Variants in HEPH observed in about 807,000 individuals in gnomAD.
The protein encoded by HEPH is hephaestin.
HEPH carries 69 observed loss-of-function variants against 80.8 expected under a neutral mutation model. That is an observed-to-expected ratio of 0.85 (90% CI 0.70 to 1.04). The LOEUF is 1.04. HEPH is among the 50% of genes least tolerant of loss of function. HEPH has a pLI of 0.00. For synonymous variants in HEPH, 431 were observed against 322.8 expected (o/e 1.34, Z -3.60); for missense variants, 1,115 against 891.3 (o/e 1.25, Z -3.20).
At chrX:66,229,502 T>C (rs1045521795) in intron 15 of HEPH, among the ~76,000 whole-genome samples, 6 of 111,713 alleles carry the variant, frequency 5.4e-5, no homozygotes, top group Admixed American at 9.5e-5. Context: ...GAATACAGTG[T>C]ACACTGCTCA....
chrX:66,231,989 GGTT>G (rs2090165282), intron 15 of HEPH, among the ~76,000 whole-genome samples: 2 of 110,031 alleles, frequency 1.8e-5, no homozygotes, highest in African/African-American at 6.7e-5. Context: ...TAGCATGAAG[GGTT>G]GTTGAATTTT....
intron 15 of HEPH, among the ~76,000 whole-genome samples, chrX:66,224,827 C>G (rs1178758081): frequency 9.2e-6 from 1 of 108,916 alleles, no homozygotes; most frequent in Non-Finnish European, 1.9e-5. Context: ...TTGTATCTCT[C>G]TCTCTCTCTC....
chrX:66,256,293 A>G lies in HEPH; in HGVS notation c.2859A>G (p.Leu953=). Residue 953 remains leucine (L), a synonymous_variant, in exon 17 of 21, where the codon CTA becomes CTG. Transcript: ENST00000343002. ...HGSQDPGSIN[L]QDETFLESNK... is the part of the protein sequence containing the mutation. The stretch of plus-strand genomic sequence containing the variant: ...CCCAGGATCCAGGCAGTATTAACCT[A>G]CAGGATGAAACTTTCTTGGAGAGCA... 8.3e-7 allele frequency: 1 copy of G among 1,209,690 alleles called. No individual in the cohort carries two copies. The highest frequency in any genetic ancestry group is 1.1e-6 in the Non-Finnish European group (1 of 894,009).
At chrX:66,268,003 T>G (rs778100950), downstream of HEPH, 1 of 111,795 alleles carries the variant, frequency 8.9e-6, no homozygotes. Flanking sequence ...TTTTAATTCT[T>G]GATTGCGTTT....
chrX:66,211,891 GT>G (rs371597543), intron 15 of HEPH, among the ~76,000 whole-genome samples: 1 of 111,231 alleles, frequency 9.0e-6, no homozygotes, highest in African/African-American at 3.2e-5. Flanking sequence ...TAATTTTTTA[GT>G]TTTTTTAGAA....
At chrX:66,163,042 T>G (rs1216781411), upstream of HEPH, among the ~76,000 whole-genome samples, 1 of 111,885 alleles carries the variant, frequency 8.9e-6, no homozygotes, top group Non-Finnish European at 1.9e-5. Context: ...TTGAAACCTC[T>G]TTATCTTCTA....
chrX:66,219,200 A>G (rs1339392973), intron 15 of HEPH, among the ~76,000 whole-genome samples: 1 of 112,232 alleles, frequency 8.9e-6, no homozygotes, highest in Non-Finnish European at 1.9e-5. Flanking sequence ...GGAAGCAGTA[A>G]GCAGGTTTCT....
At chrX:66,169,002 A>G (rs1293597804) in intron 1 of HEPH, among the ~76,000 whole-genome samples, 1 of 111,538 alleles carries the variant, frequency 9.0e-6, no homozygotes, top group Non-Finnish European at 1.9e-5. Context: ...CTGTGTATAT[A>G]CATGTGAGTG....
chrX:66,166,623 T>A (rs1231528489), intron 1 of HEPH, among the ~76,000 whole-genome samples: 2 of 112,187 alleles, frequency 1.8e-5, no homozygotes, highest in African/African-American at 6.5e-5. Context: ...ATAGAAAGGA[T>A]GTCAATAATT....
chrX:66,259,735 GTC>G (rs2091296934), intron 18 of HEPH, among the ~76,000 whole-genome samples: 1 of 104,019 alleles, frequency 9.6e-6, no homozygotes, highest in Admixed American at 1.0e-4. Flanking sequence ...TTGAGATGGA[GTC>G]TCACTCTGTC....
intron 18 of HEPH, 27 bp from the exon 19 acceptor site, chrX:66,260,073 C>G (rs1269813650): frequency 8.4e-7 from 1 of 1,190,072 alleles, no homozygotes; most frequent in African/African-American, 1.8e-5. Context: ...TTCACTTCCT[C>G]TCCCTCATTC....
At chrX:66,165,968 C>G (rs1037725296) in intron 1 of HEPH, among the ~76,000 whole-genome samples, 1 of 110,804 alleles carries the variant, frequency 9.0e-6, no homozygotes, top group Non-Finnish European at 1.9e-5. Context: ...TTACACAGGG[C>G]TTTCACATCT....
At position 66,192,164 on chromosome X, in the gene HEPH, C is replaced by T. The variant is rs1433880602; in HGVS notation, c.1098C>T (p.Cys366=). The change falls in exon 7 of 21, where the codon TGC becomes TGT. Residue 366 remains cysteine (C), a synonymous_variant. Transcript: ENST00000343002. ...AGGCACTCTACAAGGTCAAGTCTTG[C>T]TCCATGGCCCCTCCTGTGGACCTGC... The part of the protein sequence containing the change: ...GMQALYKVKS[C]SMAPPVDLLT... 2 of 1,207,964 alleles carry T rather than the reference C, an allele frequency of 1.7e-6. No individual in the cohort carries two copies. The highest frequency in any genetic ancestry group is 3.5e-5 in the African/African-American group (2 of 56,932).
intron 17 of HEPH, among the ~76,000 whole-genome samples, chrX:66,257,801 T>C (rs138798547): frequency 6.3e-5 from 7 of 111,713 alleles, no homozygotes; most frequent in African/African-American, 1.3e-4. Context: ...TTATAAATGA[T>C]TGCTTCCTCT....
intron 20 of HEPH, among the ~76,000 whole-genome samples, chrX:66,264,103 G>A (rs979357396): frequency 9.1e-6 from 1 of 109,876 alleles, no homozygotes; most frequent in Non-Finnish European, 1.9e-5. Flanking sequence ...CAGAAGCAAG[G>A]AGAGTAGAAG....
chrX:66,236,173 C>T (rs915006907), intron 15 of HEPH, among the ~76,000 whole-genome samples: 2 of 111,410 alleles, frequency 1.8e-5, no homozygotes, highest in Admixed American at 1.9e-4. Context: ...AGAGTGCATC[C>T]TCTTCTCGTG....
At chrX:66,222,471 A>G (rs758834042) in intron 15 of HEPH, among the ~76,000 whole-genome samples, 11 of 112,326 alleles carry the variant, frequency 9.8e-5, no homozygotes, top group Admixed American at 4.7e-4. Flanking sequence ...CCAACCAGGC[A>G]TTTGCATCTT....
Position 66,198,948 on chromosome X carries a change from C to T in HEPH, c.1784C>T (p.Ala595Val), listed in dbSNP as rs760026658. 9 of 1,206,294 alleles carry T rather than the reference C, an allele frequency of 7.5e-6. No homozygotes were observed. Among genetic ancestry groups the T allele is most frequent in the Non-Finnish European group, 7.9e-6 (7 of 890,490 alleles). Residue 595 changes from alanine (A) to valine (V), a missense_variant, in exon 11 of 21, where the codon GCC becomes GTC. Coordinates refer to ENST00000343002, the MANE Select transcript of HEPH (RefSeq NM_001367233.3). ...GAGAACAAGAGCTGGTACAGCAATGCCAATCAAGCAGCTGCTATGTTGGAT... is the reference window on the plus strand; with the variant it reads ...GAGAACAAGAGCTGGTACAGCAATGTCAATCAAGCAGCTGCTATGTTGGAT... ...LDENKSWYSN[A>V]NQAAAMLDFR... is the part of the protein sequence containing the mutation.
chrX:66,265,338 G>T (rs2091502648), intron 20 of HEPH, among the ~76,000 whole-genome samples: 1 of 110,850 alleles, frequency 9.0e-6, no homozygotes, highest in South Asian at 3.8e-4. Flanking sequence ...GATGCTGTGT[G>T]CTGTACAAAA....
Sources: gnomAD v4.1 joint callset for allele counts (sites outside exome capture counted in the v4.1 genomes callset) on GRCh38, gnomAD v4.1.1 for gene constraint, MANE v1.5 for transcripts, NCBI Gene and HGNC (gene_info 2026-07-23, HGNC 2026-07-21) for gene names.